Variants in CHM observed in about 807,000 individuals in gnomAD.
CHM encodes CHM Rab escort protein, also known as rab proteins geranylgeranyltransferase component A 1.
Under a neutral mutation model 49.0 loss-of-function variants are expected in CHM, and 10 were observed. The ratio of observed to expected loss-of-function variants is 0.20; its 90% CI spans 0.13 to 0.35. The LOEUF (loss-of-function observed/expected upper bound fraction) is 0.35, where lower values mean the gene tolerates loss of function less well. Among genes scored for constraint, CHM ranks in the 10% least tolerant of loss-of-function variants. The probability of loss-of-function intolerance (pLI) is 1.00; values close to 1 mark genes in which losing one functional copy is unlikely to be tolerated. For missense variants in CHM, 455 were observed against 478.4 expected, an observed-to-expected ratio of 0.95 and a Z score of 0.46; for synonymous variants, 184 against 167.5, an observed-to-expected ratio of 1.10 and a Z score of -0.76.
chrX:85,896,024 A>G (rs1321600128), intron 11 of CHM, among the ~76,000 whole-genome samples: 1 of 108,681 alleles, frequency 9.2e-6, no homozygotes, highest in Non-Finnish European at 1.9e-5. Flanking sequence ...AGAGATGATA[A>G]AAAACCATCA....
chrX:85,907,254 T>A (rs1926654843), intron 9 of CHM, among the ~76,000 whole-genome samples: 1 of 112,320 alleles, frequency 8.9e-6, no homozygotes, highest in African/African-American at 3.2e-5. Flanking sequence ...AGCTGGTAAG[T>A]GAGACAGGTG....
In CHM at chrX:85,864,359, C is replaced by T. The variant is rs1923556857; in HGVS notation, c.*271G>A. 2.9e-6 allele frequency: 1 copy of T among 342,261 alleles called. No homozygotes were observed. Among genetic ancestry groups the T allele is most frequent in the Admixed American group, 4.6e-5 (1 of 21,555 alleles). The allele number at this position is 342,261 out of a possible 1,213,427, so 28.2% of individuals were successfully genotyped here. On this transcript the variant is annotated 3_prime_UTR_variant, in exon 15 of 15. Transcript: ENST00000357749. ...ATGCATAGGATCACTTTCATATCCA[C>T]AGTTACATTCCTGAGAATCAATTGA...
intron 1 of CHM, among the ~76,000 whole-genome samples, chrX:86,046,732 CAG>C (rs753797100): frequency 9.1e-4 from 102 of 111,803 alleles, no homozygotes; most frequent in African/African-American, 2.9e-3. Flanking sequence ...CTAGAAACTG[CAG>C]AGGAGTTTCT....
At chrX:85,975,626 A>C (rs1430140894) in intron 4 of CHM, among the ~76,000 whole-genome samples, 1 of 112,395 alleles carries the variant, frequency 8.9e-6, no homozygotes, top group East Asian at 2.8e-4. Flanking sequence ...TGGAAAACAG[A>C]TTAGTGATTG....
rs1212966859 is a variant in CHM, at chrX:85,956,403, C to G, written c.941-25G>C. On this transcript the variant is annotated intron_variant, in intron 7 of 14. Transcript: ENST00000357749. ...CCTATGAAAAGATGAAATTTTATCA[C>G]TTAAAATCAGAACTAAACTTCTATT... 3.4e-6 allele frequency: 4 copies of G among 1,189,828 alleles called. No homozygotes were observed. The African/African-American group carries it at 7.1e-5, about 21-fold the overall frequency.
At chrX:86,025,451 G>A (rs1933763250) in intron 2 of CHM, among the ~76,000 whole-genome samples, 1 of 110,426 alleles carries the variant, frequency 9.1e-6, no homozygotes, top group Non-Finnish European at 1.9e-5. Context: ...CATTTTGGGA[G>A]GATCGTTTGA....
chrX:85,928,643 C>T (rs1304372393), intron 8 of CHM, among the ~76,000 whole-genome samples: 2 of 112,270 alleles, frequency 1.8e-5, no homozygotes, highest in Non-Finnish European at 3.8e-5. Context: ...CTTCCAAATT[C>T]ATAAGTGCAA....
At chrX:85,956,442 C>CA (rs779861418) in intron 7 of CHM, 64 bp from the exon 8 acceptor site, 233 of 1,150,383 alleles carry the variant, frequency 2.0e-4, no homozygotes, top group Non-Finnish European at 2.6e-4. Context: ...AACCACCCCA[C>CA]AAAAAGGAGA....
intron 2 of CHM, among the ~76,000 whole-genome samples, chrX:86,013,900 G>T (rs781258241): frequency 8.9e-6 from 1 of 112,059 alleles, no homozygotes; most frequent in Admixed American, 9.4e-5. Context: ...CGGCAAAGAG[G>T]TCTGCAAGCA....
chrX:85,925,519 T>C (rs1928030869), intron 8 of CHM, among the ~76,000 whole-genome samples: 1 of 111,478 alleles, frequency 9.0e-6, no homozygotes, highest in South Asian at 3.9e-4. Flanking sequence ...AAAGAAAGCC[T>C]TTGGTTCAAA....
intron 1 of CHM, among the ~76,000 whole-genome samples, chrX:86,035,000 G>T (rs1235395420): frequency 9.0e-6 from 1 of 111,044 alleles, no homozygotes; most frequent in Non-Finnish European, 1.9e-5. Context: ...AGGAGTAACT[G>T]CTGGGAACCT....
chrX:85,969,675 C>T (rs192656795), intron 4 of CHM: 1 of 112,584 alleles, frequency 8.9e-6, no homozygotes, highest in African/African-American at 3.2e-5. Flanking sequence ...TTTATTGGAG[C>T]ACTATTCACA....
At chrX:85,875,623 G>A (rs1924363557) in intron 13 of CHM, among the ~76,000 whole-genome samples, 1 of 111,596 alleles carries the variant, frequency 9.0e-6, no homozygotes, top group African/African-American at 3.3e-5. Flanking sequence ...ACTGAGTCTG[G>A]ATACAGCACA....
intron 11 of CHM, among the ~76,000 whole-genome samples, chrX:85,895,922 CT>C (rs370685805): frequency 1.5e-3 from 152 of 102,557 alleles, no homozygotes; most frequent in East Asian, 2.7e-3. Flanking sequence ...CGACTATCAC[CT>C]TTTTTTTTTT....
chrX:86,032,073 A>G (rs1201068538), intron 1 of CHM, among the ~76,000 whole-genome samples: 1 of 112,378 alleles, frequency 8.9e-6, no homozygotes, highest in Non-Finnish European at 1.9e-5. Flanking sequence ...TAATTTCAAA[A>G]TAACACCTGT....
intron 2 of CHM, among the ~76,000 whole-genome samples, chrX:85,982,105 G>A (rs892951744): frequency 1.8e-5 from 2 of 111,629 alleles, no homozygotes; most frequent in African/African-American, 6.6e-5. Context: ...TGGGCATTTA[G>A]CAGGTAACAT....
intron 2 of CHM, among the ~76,000 whole-genome samples, chrX:85,996,746 C>A (rs989480276): frequency 2.7e-5 from 3 of 111,709 alleles, no homozygotes; most frequent in Non-Finnish European, 5.6e-5. Context: ...TCACCTAAGA[C>A]AAATGAGTAT....
chrX:86,037,692 C>A (rs760209815), intron 1 of CHM, among the ~76,000 whole-genome samples: 1 of 111,136 alleles, frequency 9.0e-6, no homozygotes, highest in African/African-American at 3.3e-5. Flanking sequence ...ATACAAAAAA[C>A]CCTTCCCCTT....
At chrX:85,904,626 A>T (rs2148158988) in intron 9 of CHM, among the ~76,000 whole-genome samples, 1 of 112,106 alleles carries the variant, frequency 8.9e-6, no homozygotes, top group South Asian at 3.7e-4. Context: ...TCAATCACTG[A>T]AGAAAACAAA....
Sources: gnomAD v4.1 joint callset for allele counts (sites outside exome capture counted in the v4.1 genomes callset) on GRCh38, gnomAD v4.1.1 for gene constraint, MANE v1.5 for transcripts, NCBI Gene and HGNC (gene_info 2026-07-23, HGNC 2026-07-21) for gene names.